Variants in MAP3K4 observed in about 807,000 individuals in gnomAD.
The protein encoded by MAP3K4 is mitogen-activated protein kinase kinase kinase 4.
MAP3K4 carries 67 observed loss-of-function variants against 185.6 expected under a neutral mutation model. The ratio of observed to expected loss-of-function variants is 0.36; its 90% CI spans 0.30 to 0.44. MAP3K4 has a LOEUF of 0.44. MAP3K4 is among the 20% of genes least tolerant of loss of function. MAP3K4 has a pLI of 1.00. For synonymous variants in MAP3K4, 702 were observed against 710.4 expected (o/e 0.99, Z 0.19); for missense variants, 1,551 against 1,995.1 (o/e 0.78, Z 4.24).
intron 2 of MAP3K4, among the ~76,000 whole-genome samples, chr6:161,045,339 T>G (rs73784726): frequency 0.055 from 8,393 of 152,244 alleles, 726 homozygotes; most frequent in African/African-American, 0.19. Flanking sequence ...GAACACAAAA[T>G]TTCAAAAAAT....
rs776767870 is a variant in MAP3K4 at position 161,112,744 on chromosome 6, G to A, written c.4596G>A (p.Gly1532=). 8.7e-6 allele frequency: 14 copies of A among 1,607,704 alleles called. No homozygotes were observed. Among genetic ancestry groups the A allele is most frequent in the African/African-American group, 2.7e-5 (2 of 74,658 alleles). ...HGRAADIWSL[G]CVVIEMVTGK... is the part of the protein sequence containing the mutation. Reference sequence around the variant, plus strand: ...GTGCGGCCGACATCTGGAGTCTGGGGTGTGTTGTCATAGAGATGGTGACTG... The same window carrying A: ...GTGCGGCCGACATCTGGAGTCTGGGATGTGTTGTCATAGAGATGGTGACTG... The change falls in exon 25 of 27, where the codon GGG becomes GGA. Residue 1532 remains glycine (G), a synonymous_variant. Transcript: ENST00000392142. The surrounding 1 kb of genome is among the most constrained non-coding windows in gnomAD (Gnocchi z 5.1).
In MAP3K4 at chr6:161,116,055, G is replaced by A. The variant is rs971172672; in HGVS notation, c.4806+753G>A. ...AGGGCGTTCCGGGTGAGTGAACAGCGGCATTTAAGAGTTAGAGTGCCGTGG... is the reference window on the plus strand; with the variant it reads ...AGGGCGTTCCGGGTGAGTGAACAGCAGCATTTAAGAGTTAGAGTGCCGTGG... On this transcript the variant is annotated intron_variant, in intron 26 of 26. Coordinates refer to ENST00000392142, the MANE Select transcript of MAP3K4 (RefSeq NM_005922.4). The surrounding 1 kb of genome is among the most constrained non-coding windows in gnomAD (Gnocchi z 6.2). Among the ~76,000 whole-genome samples, 2 of 152,122 alleles carry A rather than the reference G, an allele frequency of 1.3e-5. No individual in the cohort carries two copies. Among genetic ancestry groups the A allele is most frequent in the South Asian group, 4.2e-4 (2 of 4,808 alleles).
chr6:161,107,659 C>T lies in MAP3K4; in HGVS notation c.4049-240C>T, dbSNP rs1215842678. 2.6e-5 allele frequency among the ~76,000 whole-genome samples: 4 copies of T among 152,090 alleles called. No homozygotes were observed. The highest frequency in any genetic ancestry group is 7.2e-5 in the African/African-American group (3 of 41,396). The stretch of plus-strand genomic sequence containing the variant: ...TGCTTCTCCTGGAATTTACCAAAGT[C>T]GGTTCTGCTCTATTTAAAGATACTT... On this transcript the variant is annotated intron_variant, in intron 20 of 26. Coordinates refer to ENST00000392142, the MANE Select transcript of MAP3K4 (RefSeq NM_005922.4). This position sits in a 1 kb window ranked among gnomAD's most constrained non-coding sequence, Gnocchi z 6.2.
rs556911412 is a variant in MAP3K4 at position 161,043,010 on chromosome 6, G to T, written c.344-5606G>T. Among the ~76,000 whole-genome samples the T allele has an allele frequency of 1.3e-5, 2 of 152,228 alleles. No individual in the cohort carries two copies. The highest frequency in any genetic ancestry group is 4.8e-5 in the African/African-American group (2 of 41,534). ...TGCGTGTGCCTATATATATGTGTGT[G>T]TAAATGTGTGTATCTGCTAACAGTA... On this transcript the variant is annotated intron_variant, in intron 2 of 26. Coordinates refer to ENST00000392142, the MANE Select transcript of MAP3K4 (RefSeq NM_005922.4). This position sits in a 1 kb window ranked among gnomAD's most constrained non-coding sequence, Gnocchi z 4.3.
intron 6 of MAP3K4, among the ~76,000 whole-genome samples, chr6:161,081,650 G>T (rs1382948901): frequency 3.9e-5 from 6 of 152,152 alleles, no homozygotes. Flanking sequence ...CGCAGGGCTG[G>T]TCTGTCAGTT....
chr6:160,998,694 T>C (rs1449650841), intron 1 of MAP3K4, among the ~76,000 whole-genome samples: 1 of 152,250 alleles, frequency 6.6e-6, no homozygotes, highest in Non-Finnish European at 1.5e-5. Context: ...TAGGGTGGTC[T>C]TTTACATTAA....
rs1341081269 is a variant in MAP3K4 at position 161,103,202 on chromosome 6, C to A, written c.3856+423C>A. Reference sequence around the variant, plus strand: ...CTAGTATTTAATGATCTATAAAATGCTTTCATGTCTTTTTTTGCTCAACAA... The same window carrying A: ...CTAGTATTTAATGATCTATAAAATGATTTCATGTCTTTTTTTGCTCAACAA... On this transcript the variant is annotated intron_variant, in intron 19 of 26. Transcript: ENST00000392142. The surrounding 1 kb of genome is among the most constrained non-coding windows in gnomAD (Gnocchi z 4.6). 1.3e-5 allele frequency among the ~76,000 whole-genome samples: 2 copies of A among 152,242 alleles called. No individual in the cohort carries two copies. Among genetic ancestry groups the A allele is most frequent in the East Asian group, 3.9e-4 (2 of 5,182 alleles).
Position 161,007,139 on chromosome 6 carries a change from A to G in MAP3K4, c.152+15056A>G, listed in dbSNP as rs1016798423. Reference sequence around the variant, plus strand: ...TTGTTGTGTCCCCAGGTCACAGACCAGAAACAAGGCACAGGGGAACCCAGA... The same window carrying G: ...TTGTTGTGTCCCCAGGTCACAGACCGGAAACAAGGCACAGGGGAACCCAGA... On this transcript the variant is annotated intron_variant, in intron 1 of 26. Transcript: ENST00000392142. This position sits in a 1 kb window ranked among gnomAD's most constrained non-coding sequence, Gnocchi z 4.5. Among the ~76,000 whole-genome samples the G allele has an allele frequency of 2.0e-5, 3 of 152,240 alleles. No homozygotes were observed. The highest frequency in any genetic ancestry group is 4.8e-5 in the African/African-American group (2 of 41,466).
Position 161,067,272 on chromosome 6 carries a change from C to T in MAP3K4, c.1708-3336C>T. 1 of 442,492 alleles carries T rather than the reference C, an allele frequency of 2.3e-6. No homozygotes were observed. The highest frequency in any genetic ancestry group is 4.5e-6 in the Non-Finnish European group (1 of 220,160). The allele number at this position is 442,492 out of a possible 1,614,324, so 27.4% of individuals were successfully genotyped here. On this transcript the variant is annotated intron_variant, in intron 3 of 26. Coordinates refer to ENST00000392142, the MANE Select transcript of MAP3K4 (RefSeq NM_005922.4). This position sits in a 1 kb window ranked among gnomAD's most constrained non-coding sequence, Gnocchi z 6.3. ...TCCAGAAAGACAGGACAACTCGAAG[C>T]AGGGATGGGGCTTGCAGGTCACAGG...
At position 161,097,392 on chromosome 6, in the gene MAP3K4, G is replaced by A. The variant is rs973225616; in HGVS notation, c.3524+216G>A. On this transcript the variant is annotated intron_variant, in intron 16 of 26. Coordinates refer to ENST00000392142, the MANE Select transcript of MAP3K4 (RefSeq NM_005922.4). This position sits in a 1 kb window ranked among gnomAD's most constrained non-coding sequence, Gnocchi z 4.9. ...GACCTGTGCCTTTCAAGATAACTTC[G>A]TTTCTCAGCTTATTTATAACCTCAA... Among the ~76,000 whole-genome samples the A allele has an allele frequency of 5.9e-5, 9 of 152,266 alleles. No homozygotes were observed. Among genetic ancestry groups the A allele is most frequent in the South Asian group, 2.1e-4 (1 of 4,832 alleles).
At chr6:161,089,159 G>A (rs531642215) in intron 10 of MAP3K4, among the ~76,000 whole-genome samples, 163 bp from the exon 11 acceptor site, 9 of 152,306 alleles carry the variant, frequency 5.9e-5, no homozygotes, top group East Asian at 1.9e-4. Context: ...CCACTGAAGC[G>A]TGTTGCTGTG....
rs113696319 is a variant in MAP3K4, at chr6:161,110,532, G to C, written c.4396+618G>C. On this transcript the variant is annotated intron_variant, in intron 23 of 26. Coordinates refer to ENST00000392142, the MANE Select transcript of MAP3K4 (RefSeq NM_005922.4). This position sits in a 1 kb window ranked among gnomAD's most constrained non-coding sequence, Gnocchi z 4.8. ...CCTGACCTTTGTATTTGCAAGTCTT[G>C]AGGATAATTAAAATGGGGAAGTATT... 9.6e-3 allele frequency among the ~76,000 whole-genome samples: 1,457 copies of C among 152,314 alleles called. 20 individuals are homozygous for C. Among genetic ancestry groups the C allele is most frequent in the African/African-American group, 0.033 (1,357 of 41,566 alleles).
chr6:161,111,810 G>A (rs1169138994), intron 23 of MAP3K4, 26 bp from the exon 24 acceptor site: 13 of 1,550,472 alleles, frequency 8.4e-6, no homozygotes, highest in South Asian at 3.4e-5. Flanking sequence ...CAGAGGCTGC[G>A]TAACAACTAC....
In MAP3K4 at chr6:161,085,893, A is replaced by G. The variant is rs113888906; in HGVS notation, c.2373-486A>G. ...GAGCTGATCATGCACATCTCTTCCC[A>G]TTTCATTGCTCAGGGACATCATACT... On this transcript the variant is annotated intron_variant, in intron 7 of 26. Transcript: ENST00000392142. Among the ~76,000 whole-genome samples the G allele has an allele frequency of 3.0e-3, 460 of 152,276 alleles. 2 individuals are homozygous for G. The highest frequency in any genetic ancestry group is 4.8e-3 in the Admixed American group (74 of 15,298).
Position 161,112,044 on chromosome 6 carries a change from G to A in MAP3K4, c.4519+86G>A. The A allele has an allele frequency of 6.5e-7, 1 of 1,533,112 alleles. No homozygotes were observed. 95.0% of individuals were successfully genotyped at this position (1,533,112 alleles called of 1,614,324 possible). ...ATGTTCCCTTCACCTTTGTTTGTCA[G>A]TAGAGATGGGAGAGCAGGTAAAGGT... is the stretch of plus-strand genomic sequence containing the variant. On this transcript the variant is annotated intron_variant, in intron 24 of 26. Transcript: ENST00000392142. This position sits in a 1 kb window ranked among gnomAD's most constrained non-coding sequence, Gnocchi z 5.1.
chr6:161,102,752 C>A lies in MAP3K4; in HGVS notation c.3829C>A (p.Leu1277Ile). 6.3e-7 allele frequency: 1 copy of A among 1,580,902 alleles called. No homozygotes were observed. Among genetic ancestry groups the A allele is most frequent in the Non-Finnish European group, 8.6e-7 (1 of 1,165,562 alleles). Residue 1277 changes from leucine to isoleucine, a missense_variant, in exon 19 of 27, where the codon CTT becomes ATT. Leu to Ile is a conservative substitution (Grantham distance 5, BLOSUM62 2). This residue lies in a region of MAP3K4 where 272 missense variants were observed against 301.2 expected (regional missense o/e 0.90). Coordinates refer to ENST00000392142, the MANE Select transcript of MAP3K4 (RefSeq NM_005922.4). ...TGGGTCCACAAGAAGAAGTTGGGAA[C>A]TTCGGACACTAATCAGCCAGAGTAA... is the stretch of plus-strand genomic sequence containing the variant. ...SSGSTRRSWE[L>I]RTLISQSKDT...
intron 1 of MAP3K4, among the ~76,000 whole-genome samples, chr6:161,002,568 G>T (rs893631903): frequency 2.3e-4 from 34 of 146,598 alleles, no homozygotes; most frequent in Non-Finnish European, 4.0e-4. Context: ...TTCTAATTCT[G>T]CCATCTAAAA....
In MAP3K4 at chr6:161,103,351, C is replaced by T. The variant is rs1022858010; in HGVS notation, c.3856+572C>T. On this transcript the variant is annotated intron_variant, in intron 19 of 26. Coordinates refer to ENST00000392142, the MANE Select transcript of MAP3K4 (RefSeq NM_005922.4). The surrounding 1 kb of genome is among the most constrained non-coding windows in gnomAD (Gnocchi z 4.6). ...CAGAAGGCACTTGTCTCAAGTCTAG[C>T]GCACTCCATGGCAGCTTCCCTTTGA... Among the ~76,000 whole-genome samples, 4 of 152,186 alleles carry T rather than the reference C, an allele frequency of 2.6e-5. No individual in the cohort carries two copies. The highest frequency in any genetic ancestry group is 5.9e-5 in the Non-Finnish European group (4 of 68,032).
At chr6:161,113,544 C>G (rs1186879599) in intron 25 of MAP3K4, among the ~76,000 whole-genome samples, 1 of 152,004 alleles carries the variant, frequency 6.6e-6, no homozygotes, top group South Asian at 2.1e-4. Flanking sequence ...AGTGCATTGA[C>G]ATTGGTTCAT....
Sources: allele counts gnomAD v4.1 joint callset (sites outside exome capture counted in the v4.1 genomes callset), GRCh38; gene constraint gnomAD v4.1.1; regional missense constraint gnomAD v4.1.1; non-coding constraint Gnocchi (gnomAD v3.1); transcripts MANE v1.5; gene names NCBI Gene and HGNC (gene_info 2026-07-23, HGNC 2026-07-21).